The following HOATZ variants were observed in gnomAD, a reference collection of about 807,000 sequenced individuals.
HOATZ encodes the protein cilia- and flagella-associated protein HOATZ.
Under a neutral mutation model 24.9 loss-of-function variants are expected in HOATZ, and 26 were observed. The observed-to-expected ratio is 1.04, with a 90% CI of 0.76 to 1.45. The LOEUF (loss-of-function observed/expected upper bound fraction) is 1.45. HOATZ is among the 40% of genes most tolerant of loss of function. The pLI, the probability that HOATZ is intolerant of heterozygous loss-of-function variation, is 0.00. For synonymous variants in HOATZ, 83 were observed against 76.6 expected, an observed-to-expected ratio of 1.08 and a Z score of -0.43; for missense variants, 226 against 201.5, an observed-to-expected ratio of 1.12 and a Z score of -0.74.
intron 3 of HOATZ, 84 bp from the exon 4 acceptor site, chr11:111,533,662 A>G (rs1414845151): frequency 9.7e-6 from 9 of 932,552 alleles, no homozygotes; most frequent in Non-Finnish European, 1.5e-5. Context: ...CCAATACAAG[A>G]TGAAAATGGA....
At chr11:111,518,289 G>A (rs187903610) in intron 3 of HOATZ, among the ~76,000 whole-genome samples, 2 of 152,194 alleles carry the variant, frequency 1.3e-5, no homozygotes, top group Admixed American at 1.3e-4. Context: ...CTTAGTATAT[G>A]GGGAAACTTA....
intron 3 of HOATZ, among the ~76,000 whole-genome samples, chr11:111,516,373 T>C (rs1005828645): frequency 6.6e-6 from 1 of 152,002 alleles, no homozygotes; most frequent in African/African-American, 2.4e-5. Context: ...ACACTTTCCA[T>C]CCAGTAAGGT....
intron 3 of HOATZ, among the ~76,000 whole-genome samples, chr11:111,523,106 C>T (rs879270614): frequency 1.3e-5 from 2 of 151,772 alleles, no homozygotes; most frequent in Non-Finnish European, 2.9e-5. Context: ...TCAACACACA[C>T]GTTCACAGCT....
At chr11:111,536,720 A>G in intron 5 of HOATZ, 50 bp from the exon 6 acceptor site, 1 of 1,409,208 alleles carries the variant, frequency 7.1e-7, no homozygotes, top group Non-Finnish European at 1.0e-6. Flanking sequence ...CATCATGTTC[A>G]CAATGGCGGA....
chr11:111,531,969 C>T (rs568805152), intron 3 of HOATZ, among the ~76,000 whole-genome samples: 4 of 152,266 alleles, frequency 2.6e-5, no homozygotes, highest in Admixed American at 2.0e-4. Context: ...GCTTTGCACA[C>T]GCTGTTTCCT....
rs536084297 is a variant in HOATZ, at chr11:111,531,026, G to A, written c.340-2720G>A. 3.9e-5 allele frequency among the ~76,000 whole-genome samples: 6 copies of A among 152,006 alleles called. No individual in the cohort carries two copies. In the South Asian group the frequency reaches 1.2e-3, roughly 32 times the overall value. ...TAATAAAAAATAACTTGAAGTCAAG[G>A]AAAAAAATGAATGAATATATTTGTT... On this transcript the variant is annotated intron_variant, in intron 3 of 5. Coordinates refer to ENST00000375618, the MANE Select transcript of HOATZ (RefSeq NM_001100388.2).
chr11:111,536,730 A>T, intron 5 of HOATZ, 40 bp from the exon 6 acceptor site: 3 of 1,470,614 alleles, frequency 2.0e-6, no homozygotes, highest in Non-Finnish European at 2.9e-6. Flanking sequence ...ACAATGGCGG[A>T]GTTCTGTGTA....
chr11:111,531,292 C>T (rs1324608107), intron 3 of HOATZ, among the ~76,000 whole-genome samples: 2 of 51,498 alleles, frequency 3.9e-5, no homozygotes, highest in African/African-American at 1.2e-4. Flanking sequence ...ATTCATACAT[C>T]ATGACTCAAT....
intron 3 of HOATZ, among the ~76,000 whole-genome samples, chr11:111,528,579 A>G (rs901506716): frequency 1.3e-5 from 2 of 152,220 alleles, no homozygotes; most frequent in African/African-American, 2.4e-5. Context: ...TTTACCCTTT[A>G]GCCACATCTT....
chr11:111,535,499 C>T (rs1168174277), intron 5 of HOATZ: 1 of 152,200 alleles, frequency 6.6e-6, no homozygotes, highest in African/African-American at 2.4e-5. Flanking sequence ...TGCTGACTCA[C>T]CTAATAATAA....
chr11:111,532,130 C>T (rs999359826), intron 3 of HOATZ, among the ~76,000 whole-genome samples: 2 of 152,140 alleles, frequency 1.3e-5, no homozygotes, highest in East Asian at 1.9e-4. Flanking sequence ...ATTAAGGGTC[C>T]TTGATCTTCA....
chr11:111,535,880 A>T (rs1867445705), intron 5 of HOATZ: 1 of 152,068 alleles, frequency 6.6e-6, no homozygotes, highest in Non-Finnish European at 1.5e-5. Flanking sequence ...GCTGGTCTTG[A>T]ACTCCTGCTC....
intron 3 of HOATZ, among the ~76,000 whole-genome samples, chr11:111,518,387 A>G (rs1867231726): frequency 6.6e-6 from 1 of 152,234 alleles, no homozygotes; most frequent in Non-Finnish European, 1.5e-5. Flanking sequence ...TGTCTTATAG[A>G]TATAGTGAGA....
intron 4 of HOATZ, 58 bp from the exon 5 acceptor site, chr11:111,534,354 C>A: frequency 1.6e-6 from 2 of 1,230,696 alleles, no homozygotes; most frequent in South Asian, 1.3e-5. Context: ...TGAGTAAATT[C>A]CAATCAGTGC....
chr11:111,527,609 C>T (rs1332557727), intron 3 of HOATZ, among the ~76,000 whole-genome samples: 1 of 152,162 alleles, frequency 6.6e-6, no homozygotes, highest in East Asian at 1.9e-4. Flanking sequence ...GATTATTCAG[C>T]CTGTCTTTTA....
intron 3 of HOATZ, among the ~76,000 whole-genome samples, chr11:111,525,643 A>C (rs1419166974): frequency 6.6e-6 from 1 of 152,252 alleles, no homozygotes; most frequent in Admixed American, 6.5e-5. Context: ...AAGAAGGGCC[A>C]AGCAAAGCCA....
At chr11:111,520,210 T>C (rs1867253811) in intron 3 of HOATZ, among the ~76,000 whole-genome samples, 1 of 152,232 alleles carries the variant, frequency 6.6e-6, no homozygotes, top group Non-Finnish European at 1.5e-5. Flanking sequence ...TTTGAAATCA[T>C]AAAACTAATT....
At chr11:111,528,404 G>A (rs974496013) in intron 3 of HOATZ, among the ~76,000 whole-genome samples, 1 of 152,192 alleles carries the variant, frequency 6.6e-6, no homozygotes, top group African/African-American at 2.4e-5. Context: ...CTCAATTTCT[G>A]TTAAACCATA....
chr11:111,536,809 A>G lies in HOATZ; in HGVS notation c.492A>G (p.Glu164=). 6.2e-7 allele frequency: 1 copy of G among 1,613,874 alleles called. No homozygotes were observed. The highest frequency in any genetic ancestry group is 1.1e-5 in the South Asian group (1 of 91,070). ...AGTCAGATAAAGAGGACCAAGAAGA[A>G]GTCAAAACTTTGGACTAATTTGCTT... The part of the protein sequence containing the change: ...VSESDKEDQE[E]VKTLD The change falls in exon 6 of 6, where the codon GAA becomes GAG. Residue 164 remains glutamate (E), a synonymous_variant. Coordinates refer to ENST00000375618, the MANE Select transcript of HOATZ (RefSeq NM_001100388.2).
Sources: allele counts gnomAD v4.1 joint callset (sites outside exome capture counted in the v4.1 genomes callset), GRCh38; gene constraint gnomAD v4.1.1; transcripts MANE v1.5; gene names NCBI Gene and HGNC (gene_info 2026-07-23, HGNC 2026-07-21).